SLCO2B1: variants seen among roughly 807,000 people sequenced by gnomAD.
SLCO2B1 encodes the protein solute carrier organic anion transporter family member 2B1, also known as OATP-RP2.
Under a neutral mutation model 67.3 loss-of-function variants are expected in SLCO2B1, and 41 were observed. The ratio of observed to expected loss-of-function variants is 0.61; its 90% confidence interval spans 0.47 to 0.79. The LOEUF is 0.79. SLCO2B1 is among the 30% of genes least tolerant of loss of function. The pLI, the probability that SLCO2B1 is intolerant of heterozygous loss-of-function variation, is 0.00. For missense variants in SLCO2B1, 837 were observed against 920.1 expected (o/e 0.91, Z 1.17); for synonymous variants, 379 against 381.4 (o/e 0.99, Z 0.07).
chr11:75,154,475 G>C (rs1429294412), intron 1 of SLCO2B1, among the ~76,000 whole-genome samples: 1 of 152,090 alleles, frequency 6.6e-6, no homozygotes, highest in Non-Finnish European at 1.5e-5. Flanking sequence ...ACTCCAGCCT[G>C]GGCAACAAGA....
chr11:75,187,514 T>C (rs1376159143), intron 7 of SLCO2B1, among the ~76,000 whole-genome samples: 2 of 152,186 alleles, frequency 1.3e-5, no homozygotes, highest in African/African-American at 2.4e-5. Flanking sequence ...GTGGTGATGA[T>C]GGCAGTGGCG....
At chr11:75,163,881 C>T in intron 2 of SLCO2B1, 82 bp from the exon 3 acceptor site, 9 of 1,476,832 alleles carry the variant, frequency 6.1e-6, no homozygotes, top group Non-Finnish European at 8.2e-6. Context: ...ATCTCTACTC[C>T]TTGCTGCTCC....
chr11:75,153,924 C>CTTT (rs538639501), intron 1 of SLCO2B1, among the ~76,000 whole-genome samples: 88 of 123,950 alleles, frequency 7.1e-4, no homozygotes, highest in African/African-American at 2.5e-3. Context: ...GTGTACAGTA[C>CTTT]TTTTTTTTTT....
intron 6 of SLCO2B1, 92 bp downstream of exon 6, chr11:75,169,856 C>T (rs1374607388): frequency 1.0e-6 from 1 of 997,462 alleles, no homozygotes; most frequent in Non-Finnish European, 1.6e-6. Flanking sequence ...GGTTCAAATC[C>T]TAGCAGCACC....
intron 4 of SLCO2B1, among the ~76,000 whole-genome samples, 198 bp downstream of exon 4, chr11:75,166,147 G>A (rs1267394242): frequency 6.6e-6 from 1 of 152,304 alleles, no homozygotes; most frequent in South Asian, 2.1e-4. Flanking sequence ...GAGTGCGGTA[G>A]GAAGTAGGCC....
intron 1 of SLCO2B1, among the ~76,000 whole-genome samples, chr11:75,157,448 G>A (rs1404390850): frequency 1.3e-5 from 2 of 152,118 alleles, no homozygotes; most frequent in Non-Finnish European, 2.9e-5. Context: ...ATGGTAGCTG[G>A]GGGCTTCAAG....
intron 4 of SLCO2B1, among the ~76,000 whole-genome samples, chr11:75,166,528 G>A (rs949069): frequency 0.32 from 48,610 of 151,876 alleles, 9,166 homozygotes; most frequent in African/African-American, 0.5. Flanking sequence ...CAACCTGATC[G>A]TTCACTTTAT....
At chr11:75,175,985 C>T (rs1950018322) in intron 7 of SLCO2B1, among the ~76,000 whole-genome samples, 1 of 152,106 alleles carries the variant, frequency 6.6e-6, no homozygotes, top group African/African-American at 2.4e-5. Flanking sequence ...TGGCTCTGTC[C>T]CTGTATCTGC....
intron 7 of SLCO2B1, among the ~76,000 whole-genome samples, chr11:75,180,160 G>C (rs989674088): frequency 6.6e-6 from 1 of 151,996 alleles, no homozygotes; most frequent in Non-Finnish European, 1.5e-5. Context: ...TGGAATACAG[G>C]CATGCACCAC....
rs1204129042 is a variant in SLCO2B1 at position 75,169,657 on chromosome 11, G to C, written c.683-9G>C. 6.2e-7 allele frequency: 1 copy of C among 1,608,264 alleles called. No individual in the cohort carries two copies. The highest frequency in any genetic ancestry group is 1.7e-5 in the Admixed American group (1 of 59,326). On this transcript the variant is annotated splice_polypyrimidine_tract_variant and intron_variant, in intron 5 of 13. Transcript: ENST00000289575. ...GCCAGAGGATCCTAACTCAGGCTTTGTGTTGTAGGGATCCTGTTTGCAGTG... is the reference window on the plus strand; with the variant it reads ...GCCAGAGGATCCTAACTCAGGCTTTCTGTTGTAGGGATCCTGTTTGCAGTG...
intron 8 of SLCO2B1, among the ~76,000 whole-genome samples, chr11:75,192,274 T>G (rs570146803): frequency 5.6e-4 from 86 of 152,338 alleles, no homozygotes; most frequent in Admixed American, 5.2e-4. Context: ...ATTCCATGAA[T>G]TCAGGTGCCT....
chr11:75,184,991 C>T (rs1046945019), intron 7 of SLCO2B1, among the ~76,000 whole-genome samples: 15 of 152,076 alleles, frequency 9.9e-5, no homozygotes, highest in Admixed American at 9.2e-4. Flanking sequence ...GGACAGGAAA[C>T]CTAGAGCCTG....
chr11:75,167,620 G>A (rs1474461973), intron 4 of SLCO2B1, among the ~76,000 whole-genome samples: 2 of 152,178 alleles, frequency 1.3e-5, no homozygotes, highest in East Asian at 1.9e-4. Context: ...GGGACACAGG[G>A]ATGGGGAAGG....
At position 75,206,539 on chromosome 11, in the gene SLCO2B1, C is replaced by T. The variant is rs1050418539; in HGVS notation, c.*1959C>T. The T allele has an allele frequency of 6.6e-6, 1 of 152,180 alleles. No individual in the cohort carries two copies. The highest frequency in any genetic ancestry group is 1.5e-5 in the Non-Finnish European group (1 of 68,036). 9.4% of individuals were successfully genotyped at this position (152,180 alleles called of 1,614,324 possible). ...TAGAAGAGGAAACTGGCTCAGAAAGCACAAGTGACTTCCCCAAGATCACAC... is the reference window on the plus strand; with the variant it reads ...TAGAAGAGGAAACTGGCTCAGAAAGTACAAGTGACTTCCCCAAGATCACAC... On this transcript the variant is annotated 3_prime_UTR_variant, in exon 14 of 14. Coordinates refer to ENST00000289575, the MANE Select transcript of SLCO2B1 (RefSeq NM_007256.5).
chr11:75,204,121 C>T, intron 13 of SLCO2B1: 1 of 294,470 alleles, frequency 3.4e-6, no homozygotes, highest in South Asian at 1.4e-4. Flanking sequence ...TATAAAATTG[C>T]ACTTGTCAGG....
At chr11:75,201,007 A>C (rs941454964) in intron 11 of SLCO2B1, 9 of 147,556 alleles carry the variant, frequency 6.1e-5, no homozygotes, top group African/African-American at 2.2e-4. Context: ...ACTGAGTGAG[A>C]AAAAAATAGT....
chr11:75,163,809 T>A (rs369611842), intron 2 of SLCO2B1, among the ~76,000 whole-genome samples, 154 bp from the exon 3 acceptor site: 13 of 152,082 alleles, frequency 8.5e-5, no homozygotes, highest in African/African-American at 3.1e-4. Flanking sequence ...TTGGTCTCTC[T>A]CTGTCTCTCT....
intron 7 of SLCO2B1, among the ~76,000 whole-genome samples, chr11:75,185,329 C>T (rs916195355): frequency 3.3e-5 from 5 of 152,210 alleles, no homozygotes; most frequent in Non-Finnish European, 7.4e-5. Flanking sequence ...GGAGGCAGAA[C>T]CAGGAAGCCC....
At chr11:75,151,622 C>T (rs1949689762) in intron 1 of SLCO2B1, among the ~76,000 whole-genome samples, 1 of 152,278 alleles carries the variant, frequency 6.6e-6, no homozygotes, top group Admixed American at 6.5e-5. Flanking sequence ...AGCCAGGGAA[C>T]CCAGCCAAAC....
Sources: allele counts gnomAD v4.1 joint callset (sites outside exome capture counted in the v4.1 genomes callset), GRCh38; gene constraint gnomAD v4.1.1; transcripts MANE v1.5; gene names NCBI Gene and HGNC (gene_info 2026-07-23, HGNC 2026-07-21).